The following PLCE1 variants were observed in gnomAD, a reference collection of about 807,000 sequenced individuals.
PLCE1 encodes 1-phosphatidylinositol 4,5-bisphosphate phosphodiesterase epsilon-1.
PLCE1 carries 119 observed loss-of-function variants against 242.8 expected under a neutral mutation model. The observed-to-expected ratio is 0.49, with a 90% confidence interval of 0.42 to 0.57. PLCE1 has a LOEUF of 0.57. PLCE1 is among the 20% of genes least tolerant of loss of function. PLCE1 has a pLI of 0.00. For missense variants in PLCE1, 2,441 were observed against 2,788.8 expected (o/e 0.88, Z 2.81); for synonymous variants, 945 against 1,017.4 (o/e 0.93, Z 1.35).
rs188079381 is a variant in PLCE1, at chr10:94,107,927, C to T, written c.1207-24247C>T. ...ATTTATTTTTTTTAAAGTCTACAAA[C>T]GATTGCATTAGTTGTTTGACTCCAC... On this transcript the variant is annotated intron_variant, in intron 2 of 32. Coordinates refer to ENST00000371380, the MANE Select transcript of PLCE1 (RefSeq NM_016341.4). 48 of 152,240 alleles carry T rather than the reference C, an allele frequency of 3.2e-4. 1 individual carries two copies. The East Asian group carries it at 7.7e-3, about 25-fold the overall frequency. The allele number at this position is 152,240 out of a possible 1,614,324, so 9.4% of individuals were successfully genotyped here.
At position 94,322,045 on chromosome 10, in the gene PLCE1, G is replaced by A; in HGVS notation, c.6487G>A (p.Asp2163Asn). 6.2e-7 allele frequency: 1 copy of A among 1,614,106 alleles called. No individual in the cohort carries two copies. The highest frequency in any genetic ancestry group is 8.5e-7 in the Non-Finnish European group (1 of 1,179,988). Residue 2163 changes from aspartate (D) to asparagine (N), a missense_variant, in exon 30 of 33, where the codon GAT becomes AAT. By Grantham distance (23) the Asp-to-Asn change is conservative. Around this residue, in one of 5 missense-constraint regions of PLCE1, gnomAD observed 310 missense variants for 317.2 expected, o/e 0.98. Transcript: ENST00000371380. ...AGCACCCCGCGTCAGCACTGCACAG[G>A]ATGTCATTCAGCAGGTAAAAGCCTC... ...IKAPRVSTAQDVIQQTLCKAK... is the reference protein window; with the variant it reads ...IKAPRVSTAQNVIQQTLCKAK...
chr10:94,239,368 T>G (rs551197245), intron 7 of PLCE1, among the ~76,000 whole-genome samples: 224 of 152,318 alleles, frequency 1.5e-3, no homozygotes, highest in African/African-American at 5.1e-3. Flanking sequence ...TGTGTGGTTG[T>G]TCCTCCTGCG....
intron 20 of PLCE1, 126 bp from the exon 21 acceptor site, chr10:94,283,664 T>C (rs2052331802): frequency 9.9e-7 from 1 of 1,012,942 alleles, no homozygotes; most frequent in Non-Finnish European, 1.5e-6. Flanking sequence ...GTTAACATAC[T>C]ATATAGTTAG....
chr10:94,186,715 C>T (rs1395735642), intron 4 of PLCE1, among the ~76,000 whole-genome samples: 1 of 152,194 alleles, frequency 6.6e-6, no homozygotes, highest in East Asian at 1.9e-4. Context: ...AATGTTTCTC[C>T]ATTTTGTGTC....
intron 8 of PLCE1, among the ~76,000 whole-genome samples, chr10:94,250,953 G>A (rs2050852787): frequency 6.6e-6 from 1 of 152,144 alleles, no homozygotes; most frequent in South Asian, 2.1e-4. Flanking sequence ...TCTTCAGCAG[G>A]CCTCCAGCAG....
intron 1 of PLCE1, among the ~76,000 whole-genome samples, chr10:93,997,436 G>T (rs1364519792): frequency 6.6e-6 from 1 of 152,138 alleles, no homozygotes; most frequent in Non-Finnish European, 1.5e-5. Flanking sequence ...AGGGAGTGTG[G>T]ACTTCCATGA....
At chr10:94,077,923 GA>G (rs1371009304) in intron 2 of PLCE1, among the ~76,000 whole-genome samples, 1 of 152,218 alleles carries the variant, frequency 6.6e-6, no homozygotes, top group Non-Finnish European at 1.5e-5. Flanking sequence ...TTTACACCCA[GA>G]ATCCCTAATT....
In PLCE1 at chr10:94,246,620, A is replaced by G; in HGVS notation, c.3095A>G (p.Gln1032Arg). ...WLRKQYVSLY[Q>R]EDGRYEGPTL... ...CGGAAACAGTACGTCAGCCTTTATC[A>G]GGTAAGGGGTGCAGCCATCCCTCTT... is the stretch of plus-strand genomic sequence containing the variant. Residue 1032 changes from glutamine to arginine, a missense_variant and splice_region_variant, in exon 8 of 33, where the codon CAG becomes CGG. Physicochemically the swap from Gln to Arg is conservative, Grantham distance 43. This residue lies in a region of PLCE1 where 1,004 missense variants were observed against 1,322.7 expected (regional missense o/e 0.76). Transcript: ENST00000371380. The G allele has an allele frequency of 2.5e-6, 4 of 1,613,362 alleles. No homozygotes were observed. Among genetic ancestry groups the G allele is most frequent in the East Asian group, 2.2e-5 (1 of 44,844 alleles).
At position 94,255,057 on chromosome 10, in the gene PLCE1, C is replaced by T. The variant is rs1214028562; in HGVS notation, c.3554+8C>T. 1.9e-6 allele frequency: 3 copies of T among 1,613,846 alleles called. No individual in the cohort carries two copies. In the Admixed American group the frequency reaches 5.0e-5, roughly 27 times the overall value. On this transcript the variant is annotated splice_region_variant and intron_variant, in intron 11 of 32. Transcript: ENST00000371380. ...AAACAAGAGCCCATCCAGGTGGGGC[C>T]TTAACATGATAAAACAGAAGGACCC...
intron 3 of PLCE1, among the ~76,000 whole-genome samples, chr10:94,134,489 A>T (rs1213265583): frequency 6.6e-6 from 1 of 152,254 alleles, no homozygotes; most frequent in Non-Finnish European, 1.5e-5. Context: ...TCTCACCACA[A>T]ACAATGATAA....
intron 1 of PLCE1, among the ~76,000 whole-genome samples, chr10:94,007,242 G>A (rs933696636): frequency 9.9e-5 from 15 of 152,126 alleles, no homozygotes; most frequent in Admixed American, 6.5e-4. Flanking sequence ...TGAAAAATCA[G>A]GACTGTAGCT....
At chr10:94,063,136 T>C (rs183822475) in intron 2 of PLCE1, among the ~76,000 whole-genome samples, 14 of 152,330 alleles carry the variant, frequency 9.2e-5, no homozygotes, top group Admixed American at 5.9e-4. Flanking sequence ...ACACCTCCTA[T>C]GCTATGCGCA....
intron 1 of PLCE1, among the ~76,000 whole-genome samples, chr10:94,030,301 C>T (rs2061531135): frequency 6.6e-6 from 1 of 152,076 alleles, no homozygotes; most frequent in South Asian, 2.1e-4. Flanking sequence ...CTGAGTTTCC[C>T]TTCCTTGCCT....
intron 6 of PLCE1, among the ~76,000 whole-genome samples, chr10:94,234,643 C>T (rs1286392094): frequency 2.0e-5 from 3 of 152,110 alleles, no homozygotes; most frequent in Non-Finnish European, 4.4e-5. Context: ...GGGATGAAGA[C>T]AGTCAATTGA....
At chr10:94,172,832 A>G (rs2048024574) in intron 4 of PLCE1, among the ~76,000 whole-genome samples, 1 of 152,186 alleles carries the variant, frequency 6.6e-6, no homozygotes, top group East Asian at 1.9e-4. Flanking sequence ...ATCTTTAGAA[A>G]AAAACACAAA....
At chr10:94,281,597 G>A (rs1244284270) in intron 20 of PLCE1, among the ~76,000 whole-genome samples, 1 of 152,186 alleles carries the variant, frequency 6.6e-6, no homozygotes, top group African/African-American at 2.4e-5. Context: ...CCAGTAGACT[G>A]TGATACCTGG....
chr10:94,169,505 G>A (rs184680684), intron 3 of PLCE1, among the ~76,000 whole-genome samples: 46 of 152,282 alleles, frequency 3.0e-4, no homozygotes, highest in Admixed American at 2.2e-3. Context: ...CATTCTCAGG[G>A]AAGCAGAAGA....
At chr10:94,161,920 G>T (rs562638455) in intron 3 of PLCE1, among the ~76,000 whole-genome samples, 3 of 152,262 alleles carry the variant, frequency 2.0e-5, no homozygotes, top group South Asian at 2.1e-4. Flanking sequence ...TAATCATGTG[G>T]TTTTTGTCAT....
intron 3 of PLCE1, 46 bp from the exon 4 acceptor site, chr10:94,171,134 G>A (rs2047960814): frequency 1.4e-6 from 2 of 1,450,074 alleles, no homozygotes; most frequent in East Asian, 2.3e-5. Context: ...CTGTTGCAGG[G>A]GACACCAGAT....
Sources: gnomAD v4.1 joint callset for allele counts (sites outside exome capture counted in the v4.1 genomes callset) on GRCh38, gnomAD v4.1.1 for gene constraint, gnomAD v4.1.1 regional missense constraint, MANE v1.5 for transcripts, NCBI Gene and HGNC (gene_info 2026-07-23, HGNC 2026-07-21) for gene names.